The following HSD17B3 variants were observed in gnomAD, a reference collection of about 807,000 sequenced individuals.
HSD17B3 encodes the protein 17-beta-hydroxysteroid dehydrogenase type 3.
HSD17B3 carries 29 observed loss-of-function variants against 41.1 expected under a neutral mutation model. That is an observed-to-expected ratio of 0.71 (90% confidence interval 0.53 to 0.96). The LOEUF is 0.96. Among genes scored for constraint, HSD17B3 ranks in the 40% least tolerant of loss-of-function variants. HSD17B3 has a pLI of 0.00. For synonymous variants in HSD17B3, 126 were observed against 145.6 expected, an observed-to-expected ratio of 0.87 and a Z score of 0.97; for missense variants, 323 against 374.6, an observed-to-expected ratio of 0.86 and a Z score of 1.14.
Position 96,291,330 on chromosome 9 carries a change from C to G in HSD17B3, c.201+7086G>C, listed in dbSNP as rs551803190. On this transcript the variant is annotated intron_variant, in intron 2 of 10. Transcript: ENST00000375263. ...AGCCAGAGTGGTATCAGCAGAGGCC[C>G]AGGAAGAAGCCAGAACCCCACCCCC... 3.4e-4 allele frequency among the ~76,000 whole-genome samples: 52 copies of G among 151,622 alleles called. 1 individual carries two copies. The highest frequency in any genetic ancestry group is 5.6e-4 in the Non-Finnish European group (38 of 67,914).
chr9:96,284,551 G>A (rs1009387519), intron 2 of HSD17B3, among the ~76,000 whole-genome samples: 1 of 152,198 alleles, frequency 6.6e-6, no homozygotes. Flanking sequence ...TAACTGGAAT[G>A]GTGTGCTTTC....
At chr9:96,255,265 A>T (rs1216693131) in intron 2 of HSD17B3, among the ~76,000 whole-genome samples, 1 of 150,448 alleles carries the variant, frequency 6.6e-6, no homozygotes, top group Non-Finnish European at 1.5e-5. Flanking sequence ...GGGCTCAGCT[A>T]TGCATCAGAA....
chr9:96,245,927 C>T (rs1306882604), intron 7 of HSD17B3, among the ~76,000 whole-genome samples: 1 of 152,200 alleles, frequency 6.6e-6, no homozygotes, highest in African/African-American at 2.4e-5. Flanking sequence ...CTCCAGGAGC[C>T]TTACTTGTCC....
rs2066474 is a variant in HSD17B3, at chr9:96,302,143, T to C, written c.-39A>G. On this transcript the variant is annotated 5_prime_UTR_variant, in exon 1 of 11. Transcript: ENST00000375263. ...AGACTGTTTCAGCCCTGGCCGTGGC[T>C]CTCTGTGTATGCCTCCTGGGACCAC... 324,001 of 1,606,212 alleles carry C rather than the reference T, an allele frequency of 0.2. 36,679 individuals carry two copies. The highest frequency in any genetic ancestry group is 0.46 in the East Asian group (20,352 of 44,360).
At chr9:96,289,466 C>T (rs1024191438) in intron 2 of HSD17B3, among the ~76,000 whole-genome samples, 1 of 152,152 alleles carries the variant, frequency 6.6e-6, no homozygotes, top group South Asian at 2.1e-4. Flanking sequence ...ATGGAAAATT[C>T]CCTACCCCCA....
At chr9:96,246,474 T>C in intron 7 of HSD17B3, 82 bp downstream of exon 7, 1 of 1,207,074 alleles carries the variant, frequency 8.3e-7, no homozygotes, top group Non-Finnish European at 1.2e-6. Flanking sequence ...CCAGATGGAC[T>C]CTGTGTCCCC....
Position 96,246,538 on chromosome 9 carries a change from T to C in HSD17B3, c.524+18A>G. 6.2e-7 allele frequency: 1 copy of C among 1,613,738 alleles called. No individual in the cohort carries two copies. The highest frequency in any genetic ancestry group is 8.5e-7 in the Non-Finnish European group (1 of 1,179,678). On this transcript the variant is annotated intron_variant, in intron 7 of 10. Coordinates refer to ENST00000375263, the MANE Select transcript of HSD17B3 (RefSeq NM_000197.2). ...AGGGAGGCCATGTTGCTCCACACTT[T>C]TTTGAAGAAGGCCTTACCTTGATTC...
rs61373611 is a variant in HSD17B3 at position 96,290,456 on chromosome 9, C to CTTTTTTTTTTTT, written c.201+7948_201+7959dup. Among the ~76,000 whole-genome samples, 28 of 78,426 alleles carry CTTTTTTTTTTTT rather than the reference C, an allele frequency of 3.6e-4. 3 individuals carry two copies. The highest frequency in any genetic ancestry group is 2.3e-3 in the South Asian group (4 of 1,706). The allele number at this position is 78,426 out of a possible 152,430, so 51.5% of individuals were successfully genotyped here. On this transcript the variant is annotated intron_variant, in intron 2 of 10. Coordinates refer to ENST00000375263, the MANE Select transcript of HSD17B3 (RefSeq NM_000197.2). Reference sequence around the variant, plus strand: ...GAAGGGCACTGTGGTATTTCCTGGGCTTTTTTTTTTTTTTTTTTTTTTTCC... The same window carrying CTTTTTTTTTTTT: ...GAAGGGCACTGTGGTATTTCCTGGGCTTTTTTTTTTTTTTTTTTTTTTTTTTTTTTTTTTTCC...
intron 2 of HSD17B3, among the ~76,000 whole-genome samples, chr9:96,270,756 G>A (rs1826209402): frequency 6.6e-6 from 1 of 152,220 alleles, no homozygotes; most frequent in African/African-American, 2.4e-5. Context: ...TGCCTTCCCA[G>A]GTATTGGGAG....
At chr9:96,242,159 T>C (rs1836484348) in intron 9 of HSD17B3, among the ~76,000 whole-genome samples, 1 of 152,156 alleles carries the variant, frequency 6.6e-6, no homozygotes, top group Admixed American at 6.5e-5. Flanking sequence ...CCTATGGAAA[T>C]TAAAGCATGA....
At chr9:96,257,670 A>C (rs1825721331) in intron 2 of HSD17B3, among the ~76,000 whole-genome samples, 1 of 152,178 alleles carries the variant, frequency 6.6e-6, no homozygotes. Flanking sequence ...TCTAGAGTTG[A>C]CCTTTGAATG....
intron 2 of HSD17B3, among the ~76,000 whole-genome samples, chr9:96,282,652 A>G (rs1826742470): frequency 6.6e-6 from 1 of 152,216 alleles, no homozygotes; most frequent in Non-Finnish European, 1.5e-5. Context: ...GCACATGATT[A>G]AAATTGCTTC....
chr9:96,296,385 C>A (rs1358892567), intron 2 of HSD17B3, among the ~76,000 whole-genome samples: 1 of 152,232 alleles, frequency 6.6e-6, no homozygotes, highest in Non-Finnish European at 1.5e-5. Context: ...GCTGGCACCT[C>A]GCTCTTGGAC....
At chr9:96,254,637 A>G (rs1244603084) in intron 3 of HSD17B3, among the ~76,000 whole-genome samples, 1 of 152,166 alleles carries the variant, frequency 6.6e-6, no homozygotes, top group Non-Finnish European at 1.5e-5. Context: ...GAGAGAGCAG[A>G]CCTATTTGTG....
chr9:96,271,602 T>C (rs1307510378), intron 2 of HSD17B3, among the ~76,000 whole-genome samples: 1 of 152,134 alleles, frequency 6.6e-6, no homozygotes, highest in Non-Finnish European at 1.5e-5. Context: ...AAAGCAGATA[T>C]GTGTTATGAT....
intron 2 of HSD17B3, among the ~76,000 whole-genome samples, chr9:96,288,417 A>G (rs1479941646): frequency 6.6e-6 from 1 of 152,216 alleles, no homozygotes; most frequent in Non-Finnish European, 1.5e-5. Context: ...AGGTGTTAAC[A>G]CCACAAAGGT....
chr9:96,240,711 C>T lies in HSD17B3; in HGVS notation c.822+47G>A, dbSNP rs34410351. 1.4e-5 allele frequency: 23 copies of T among 1,605,342 alleles called. 1 individual carries two copies. The highest frequency in any genetic ancestry group is 1.4e-4 in the South Asian group (13 of 90,940). On this transcript the variant is annotated intron_variant, in intron 10 of 10. Transcript: ENST00000375263. Reference sequence around the variant, plus strand: ...AGCCCAGCCCTGCCAGGGCCACCTGCGTGTCCTCCCTCCCTGGCTTCAAGA... The same window carrying T: ...AGCCCAGCCCTGCCAGGGCCACCTGTGTGTCCTCCCTCCCTGGCTTCAAGA...
rs371734075 is a variant in HSD17B3 at position 96,271,566 on chromosome 9, T to A, written c.202-16623A>T. Among the ~76,000 whole-genome samples, 5 of 152,302 alleles carry A rather than the reference T, an allele frequency of 3.3e-5. 1 individual carries two copies. On this transcript the variant is annotated intron_variant, in intron 2 of 10. Transcript: ENST00000375263. Reference sequence around the variant, plus strand: ...AAAGCTCTGGGTGTACCATGATTTCTTCCCCTTCTTTCCTTCTCACAAGTC... The same window carrying A: ...AAAGCTCTGGGTGTACCATGATTTCATCCCCTTCTTTCCTTCTCACAAGTC...
chr9:96,264,675 C>G (rs573993701), intron 2 of HSD17B3, among the ~76,000 whole-genome samples: 122 of 152,268 alleles, frequency 8.0e-4, no homozygotes, highest in Non-Finnish European at 1.5e-3. Flanking sequence ...GTCCAGCCCC[C>G]ACACTGCGTC....
Sources: allele counts gnomAD v4.1 joint callset (sites outside exome capture counted in the v4.1 genomes callset), GRCh38; gene constraint gnomAD v4.1.1; transcripts MANE v1.5; gene names NCBI Gene and HGNC (gene_info 2026-07-23, HGNC 2026-07-21).